Variants in GGNBP2 observed in about 807,000 individuals in gnomAD.
GGNBP2 encodes gametogenetin binding protein 2, also known as gametogenetin-binding protein 2.
A neutral mutation model predicts 85.9 loss-of-function variants in GGNBP2; 10 were observed. The ratio of observed to expected loss-of-function variants is 0.12; its 90% confidence interval spans 0.07 to 0.20. The LOEUF (loss-of-function observed/expected upper bound fraction) is 0.20, where lower values mean the gene tolerates loss of function less well. Among genes scored for constraint, GGNBP2 ranks in the 10% least tolerant of loss-of-function variants. The pLI, the probability that GGNBP2 is intolerant of heterozygous loss-of-function variation, is 1.00. For synonymous variants in GGNBP2, 287 were observed against 285.7 expected (o/e 1.00, Z -0.05); for missense variants, 595 against 857.8 (o/e 0.69, Z 3.83).
intron 1 of GGNBP2, chr17:36,545,360 G>T (rs1346951967): frequency 8.5e-6 from 2 of 235,186 alleles, no homozygotes; most frequent in South Asian, 1.4e-4. Context: ...CCCCCGGCAG[G>T]CCGGTCCCTT....
chr17:36,561,308 G>C (rs985824132), intron 5 of GGNBP2, among the ~76,000 whole-genome samples: 1 of 151,934 alleles, frequency 6.6e-6, no homozygotes, highest in Non-Finnish European at 1.5e-5. Flanking sequence ...ATTTTTAGTA[G>C]ATATGGGGTT....
chr17:36,574,531 A>G (rs555491119), intron 6 of GGNBP2: 171 of 394,040 alleles, frequency 4.3e-4, no homozygotes, highest in African/African-American at 3.5e-3. Flanking sequence ...CGAGATGGTC[A>G]GTGAATTCCT....
chr17:36,567,300 TTAA>T (rs1555605978), intron 5 of GGNBP2, among the ~76,000 whole-genome samples: 1 of 152,178 alleles, frequency 6.6e-6, no homozygotes, highest in Non-Finnish European at 1.5e-5. Context: ...GAACGTTATA[TTAA>T]TATAAAGTGA....
intron 6 of GGNBP2, among the ~76,000 whole-genome samples, chr17:36,573,670 C>T (rs553727173): frequency 6.6e-6 from 1 of 152,248 alleles, no homozygotes; most frequent in Admixed American, 6.5e-5. Flanking sequence ...TCTTCACATC[C>T]TCAGTAACAC....
In GGNBP2 at chr17:36,585,824, C is replaced by T. The variant is rs1163929539; in HGVS notation, c.1367-16C>T. On this transcript the variant is annotated splice_polypyrimidine_tract_variant and intron_variant, in intron 10 of 13. Coordinates refer to ENST00000613102, the MANE Select transcript of GGNBP2 (RefSeq NM_024835.5). The stretch of plus-strand genomic sequence containing the variant: ...ATTGGTATGTTAATAGTAACTCTCA[C>T]TTGATTTATTCTCAGGCTTATCTCC... 6.2e-7 allele frequency: 1 copy of T among 1,609,790 alleles called. No homozygotes were observed. The highest frequency in any genetic ancestry group is 1.7e-5 in the Admixed American group (1 of 59,738).
intron 13 of GGNBP2, among the ~76,000 whole-genome samples, chr17:36,588,692 A>G (rs577498996): frequency 4.7e-5 from 7 of 150,256 alleles, no homozygotes; most frequent in African/African-American, 7.3e-5. Flanking sequence ...CTCTGCCTCC[A>G]AGGTTCAAGT....
chr17:36,571,791 C>G (rs1443492223), intron 6 of GGNBP2, among the ~76,000 whole-genome samples: 1 of 151,952 alleles, frequency 6.6e-6, no homozygotes, highest in Non-Finnish European at 1.5e-5. Context: ...TGCAGTGAGC[C>G]GAGTTTGCGC....
chr17:36,572,715 T>A (rs888912743), intron 6 of GGNBP2, among the ~76,000 whole-genome samples: 1 of 152,054 alleles, frequency 6.6e-6, no homozygotes, highest in Non-Finnish European at 1.5e-5. Flanking sequence ...AAACATAAAT[T>A]TACCTTTCAA....
chr17:36,589,204 G>T lies in GGNBP2; in HGVS notation c.1891-4G>T, dbSNP rs1371561083. 3 of 1,601,846 alleles carry T rather than the reference G, an allele frequency of 1.9e-6. No individual in the cohort carries two copies. The South Asian group carries it at 3.3e-5, about 18-fold the overall frequency. ...ATAGTCTTAACTACTGCTTTAATTT[G>T]CAGGATGAGTCTGAATGTACTTCAG... On this transcript the variant is annotated splice_polypyrimidine_tract_variant and splice_region_variant and intron_variant, in intron 13 of 13. Coordinates refer to ENST00000613102, the MANE Select transcript of GGNBP2 (RefSeq NM_024835.5).
At chr17:36,586,805 G>T in intron 12 of GGNBP2, 192 bp from the exon 13 acceptor site, 1 of 533,990 alleles carries the variant, frequency 1.9e-6, no homozygotes, top group Non-Finnish European at 3.3e-6. Flanking sequence ...TTTTAGTAGA[G>T]ATGGCATTTG....
At position 36,579,272 on chromosome 17, in the gene GGNBP2, A is replaced by G; in HGVS notation, c.873A>G (p.Ile291Met). The change falls in exon 8 of 14, where the codon ATA (isoleucine) becomes ATG (methionine). Residue 291 changes from isoleucine (I) to methionine (M), a missense_variant. Transcript: ENST00000613102. Reference protein sequence around the residue: ...GGRRERHAKTIDIAQEEVLTC... With the variant: ...GGRRERHAKTMDIAQEEVLTC... ...GAAGAGAAAGGCATGCAAAGACAAT[A>G]GATATAGCTCAAGAAGAAGTTCTGA... is the stretch of plus-strand genomic sequence containing the variant. 1.2e-6 allele frequency: 2 copies of G among 1,614,190 alleles called. No individual in the cohort carries two copies. Among genetic ancestry groups the G allele is most frequent in the Non-Finnish European group, 1.7e-6 (2 of 1,179,986 alleles).
chr17:36,571,294 C>G (rs559434655), intron 6 of GGNBP2, among the ~76,000 whole-genome samples: 1 of 152,096 alleles, frequency 6.6e-6, no homozygotes, highest in South Asian at 2.1e-4. Context: ...GCTCACTCCT[C>G]TAATCTCAGC....
intron 8 of GGNBP2, among the ~76,000 whole-genome samples, chr17:36,580,074 C>T (rs1319339058): frequency 6.6e-6 from 1 of 152,058 alleles, no homozygotes; most frequent in Admixed American, 6.6e-5. Context: ...AAGTTAAATG[C>T]CCCCAAGGAT....
intron 6 of GGNBP2, among the ~76,000 whole-genome samples, chr17:36,568,508 G>C (rs926469792): frequency 2.6e-5 from 4 of 151,802 alleles, no homozygotes; most frequent in Admixed American, 2.0e-4. Flanking sequence ...TGTTGTTCAG[G>C]CTGGTCTCGA....
intron 4 of GGNBP2, among the ~76,000 whole-genome samples, chr17:36,560,296 T>C (rs190541522): frequency 2.6e-5 from 4 of 152,340 alleles, no homozygotes; most frequent in Admixed American, 2.0e-4. Flanking sequence ...ATTGGCAAAC[T>C]TTGCTCATTG....
chr17:36,568,610 A>C (rs2142740675), intron 6 of GGNBP2, among the ~76,000 whole-genome samples: 1 of 152,108 alleles, frequency 6.6e-6, no homozygotes, highest in East Asian at 1.9e-4. Flanking sequence ...GGCATTTTCA[A>C]AATTAAATTA....
In GGNBP2 at chr17:36,585,435, C is replaced by T. The variant is rs771588912; in HGVS notation, c.1351C>T (p.Pro451Ser). ...CPSSGNLLGS[P>S]KIKKGLSPHC... The stretch of plus-strand genomic sequence containing the variant: ...TAGCAGTGGCAATCTTTTGGGGTCC[C>T]CTAAAATAAAGAAAGGTAAGTAAAT... The change falls in exon 10 of 14, where the codon CCT (proline) becomes TCT (serine). Residue 451 changes from proline (P) to serine (S), a missense_variant. Transcript: ENST00000613102. The T allele has an allele frequency of 5.0e-6, 8 of 1,594,064 alleles. No individual in the cohort carries two copies. Among genetic ancestry groups the T allele is most frequent in the Non-Finnish European group, 6.8e-6 (8 of 1,171,706 alleles).
In GGNBP2 at chr17:36,576,119, CTT is replaced by C. The variant is rs531623537; in HGVS notation, c.642-1862_642-1861del. 1.7e-3 allele frequency among the ~76,000 whole-genome samples: 229 copies of C among 138,028 alleles called. 1 individual carries two copies. In the East Asian group the frequency reaches 0.032, roughly 19 times the overall value. The allele number at this position is 138,028 out of a possible 152,430, so 90.6% of individuals were successfully genotyped here. On this transcript the variant is annotated intron_variant, in intron 6 of 13. Transcript: ENST00000613102. The stretch of plus-strand genomic sequence containing the variant: ...TTGGGAGGCTGAGGTGGAGGGATCA[CTT>C]TGAGGTCAGAAGTTCAAGACCAGCC...
intron 3 of GGNBP2, among the ~76,000 whole-genome samples, chr17:36,556,451 A>T (rs2074361889): frequency 6.6e-6 from 1 of 152,196 alleles, no homozygotes; most frequent in Admixed American, 6.5e-5. Context: ...CACGCCTGTA[A>T]TCCGAGCACT....
Sources: allele counts gnomAD v4.1 joint callset (sites outside exome capture counted in the v4.1 genomes callset), GRCh38; gene constraint gnomAD v4.1.1; transcripts MANE v1.5; gene names NCBI Gene and HGNC (gene_info 2026-07-23, HGNC 2026-07-21).